KLHL1: variants seen among roughly 807,000 people sequenced by gnomAD.
KLHL1 encodes kelch like family member 1, also known as kelch-like protein 1.
Under a neutral mutation model 77.7 loss-of-function variants are expected in KLHL1, and 47 were observed. The observed-to-expected ratio is 0.60, with a 90% CI of 0.48 to 0.77. The LOEUF is 0.77. KLHL1 is among the 30% of genes least tolerant of loss of function. The pLI, the probability that KLHL1 is intolerant of heterozygous loss-of-function variation, is 0.00. For synonymous variants in KLHL1, 360 were observed against 325.2 expected (o/e 1.11, Z -1.15); for missense variants, 925 against 910.8 (o/e 1.02, Z -0.20).
chr13:69,997,598 G>T (rs1885188173), intron 1 of KLHL1, among the ~76,000 whole-genome samples: 1 of 150,154 alleles, frequency 6.7e-6, no homozygotes, highest in Non-Finnish European at 1.5e-5. Flanking sequence ...TTAACATAAT[G>T]TCTTCCAGAT....
At chr13:70,054,310 A>T (rs974192371) in intron 1 of KLHL1, among the ~76,000 whole-genome samples, 4 of 152,224 alleles carry the variant, frequency 2.6e-5, no homozygotes, top group Admixed American at 2.0e-4. Flanking sequence ...TTACAGATTA[A>T]ATAAAGCCAT....
intron 9 of KLHL1, among the ~76,000 whole-genome samples, chr13:69,710,771 C>A (rs1219384289): frequency 6.6e-6 from 1 of 151,986 alleles, no homozygotes; most frequent in East Asian, 1.9e-4. Flanking sequence ...GAATTCTAAG[C>A]AGCCATTTTT....
chr13:69,955,934 T>TA (rs1883853570), intron 3 of KLHL1, among the ~76,000 whole-genome samples: 1 of 101,282 alleles, frequency 9.9e-6, no homozygotes, highest in African/African-American at 3.1e-5. Flanking sequence ...TATATATATT[T>TA]GATATATATT....
chr13:69,798,370 G>C (rs564312326), intron 6 of KLHL1, among the ~76,000 whole-genome samples: 47 of 152,136 alleles, frequency 3.1e-4, no homozygotes, highest in African/African-American at 1.0e-3. Context: ...CAGAAGTTTT[G>C]CTAATTAAAG....
At chr13:69,864,451 A>G (rs1302417721) in intron 5 of KLHL1, among the ~76,000 whole-genome samples, 5 of 152,038 alleles carry the variant, frequency 3.3e-5, no homozygotes, top group Non-Finnish European at 7.4e-5. Flanking sequence ...AAACTTAAAT[A>G]TGCCAAAATG....
intron 9 of KLHL1, among the ~76,000 whole-genome samples, chr13:69,714,625 A>C (rs1282758958): frequency 6.6e-6 from 1 of 151,486 alleles, no homozygotes; most frequent in East Asian, 1.9e-4. Flanking sequence ...ACAGGGTCTC[A>C]CTCTGTTGCC....
chr13:69,862,698 A>AT (rs150963550), intron 5 of KLHL1, among the ~76,000 whole-genome samples: 2 of 71,610 alleles, frequency 2.8e-5, no homozygotes, highest in Non-Finnish European at 5.5e-5. Context: ...TAAATGAGGT[A>AT]TTAATGCAAT....
At chr13:69,909,688 A>G (rs146014351) in intron 4 of KLHL1, among the ~76,000 whole-genome samples, 2,055 of 152,186 alleles carry the variant, frequency 0.014, 29 homozygotes, top group Non-Finnish European at 0.019. Flanking sequence ...ATTTTTGGAA[A>G]AGACCCTATA....
chr13:69,733,794 T>C (rs187542618), intron 8 of KLHL1, among the ~76,000 whole-genome samples: 1 of 152,336 alleles, frequency 6.6e-6, no homozygotes, highest in East Asian at 1.9e-4. Context: ...CAGTATCTAC[T>C]AAAGCTGAGC....
chr13:69,960,261 CA>C (rs1884024070), intron 3 of KLHL1, among the ~76,000 whole-genome samples: 1 of 150,488 alleles, frequency 6.6e-6, no homozygotes, highest in South Asian at 2.1e-4. Context: ...TTCACAATGT[CA>C]CCTCTTGTTT....
chr13:69,773,037 C>T (rs1161871339), intron 7 of KLHL1, among the ~76,000 whole-genome samples: 1 of 151,442 alleles, frequency 6.6e-6, no homozygotes, highest in Non-Finnish European at 1.5e-5. Flanking sequence ...TAGACCATTA[C>T]ACAGGCAGAA....
intron 5 of KLHL1, among the ~76,000 whole-genome samples, chr13:69,858,480 C>G (rs896357511): frequency 1.3e-5 from 2 of 151,878 alleles, no homozygotes; most frequent in Non-Finnish European, 2.9e-5. Context: ...TACTTTTCTC[C>G]TTGTAAAAAT....
intron 1 of KLHL1, among the ~76,000 whole-genome samples, chr13:70,024,630 C>CTCTCTCTT (rs1555291459): frequency 1.2e-5 from 1 of 85,274 alleles, no homozygotes; most frequent in African/African-American, 6.1e-5. Flanking sequence ...TTCTCTCTCT[C>CTCTCTCTT]TCTCTCTCTC....
chr13:70,101,398 T>TACCTGAAAATCCAATTCAATAGCCGTATA (rs1222750439), intron 1 of KLHL1, among the ~76,000 whole-genome samples: 1 of 152,060 alleles, frequency 6.6e-6, no homozygotes, highest in Admixed American at 6.6e-5. Flanking sequence ...GAGTTTTGGG[T>TACCTGAAAATCCAATTCAATAGCCGTATA]ACCTGAAAAT....
intron 1 of KLHL1, among the ~76,000 whole-genome samples, chr13:69,977,057 A>G (rs888899285): frequency 9.2e-5 from 14 of 152,246 alleles, no homozygotes; most frequent in African/African-American, 3.4e-4. Flanking sequence ...ATTAAGCTGA[A>G]CTTTTAATTG....
At chr13:70,040,435 A>T (rs1393321375) in intron 1 of KLHL1, among the ~76,000 whole-genome samples, 1 of 152,174 alleles carries the variant, frequency 6.6e-6, no homozygotes, top group East Asian at 1.9e-4. Context: ...AAACCTGCAC[A>T]TGTACCTGTG....
chr13:70,030,039 G>C (rs992596015), intron 1 of KLHL1, among the ~76,000 whole-genome samples: 3 of 152,158 alleles, frequency 2.0e-5, no homozygotes, highest in African/African-American at 7.2e-5. Context: ...AACAAGAAGA[G>C]CTAACTATCC....
intron 2 of KLHL1, among the ~76,000 whole-genome samples, chr13:69,962,227 G>A (rs904177666): frequency 1.3e-5 from 2 of 151,788 alleles, no homozygotes; most frequent in African/African-American, 4.8e-5. Context: ...TTGGCTTTGT[G>A]TATACTATCT....
At chr13:69,890,292 A>G (rs1285117997) in intron 4 of KLHL1, among the ~76,000 whole-genome samples, 1 of 152,054 alleles carries the variant, frequency 6.6e-6, no homozygotes, top group Non-Finnish European at 1.5e-5. Flanking sequence ...CTAAGAAAAT[A>G]TTGGTGTCAT....
Sources: gnomAD v4.1 joint callset for allele counts (sites outside exome capture counted in the v4.1 genomes callset) on GRCh38, gnomAD v4.1.1 for gene constraint, MANE v1.5 for transcripts, NCBI Gene and HGNC (gene_info 2026-07-23, HGNC 2026-07-21) for gene names.